Variants in L3MBTL4 observed in about 807,000 individuals in gnomAD.
The protein encoded by L3MBTL4 is lethal(3)malignant brain tumor-like protein 4.
A neutral mutation model predicts 84.5 loss-of-function variants in L3MBTL4; 70 were observed. That is an observed-to-expected ratio of 0.83 (90% CI 0.68 to 1.01). The LOEUF is 1.01. Ranked by LOEUF, L3MBTL4 falls within the 50% of genes least tolerant of loss-of-function variation. The pLI is 0.00. For missense variants in L3MBTL4, 715 were observed against 754.8 expected (o/e 0.95, Z 0.62); for synonymous variants, 274 against 259.8 (o/e 1.05, Z -0.52).
intron 4 of L3MBTL4, among the ~76,000 whole-genome samples, chr18:6,271,281 G>A (rs2048855865): frequency 6.6e-6 from 1 of 152,124 alleles, no homozygotes; most frequent in Admixed American, 6.5e-5. Flanking sequence ...AGGTGATGGC[G>A]CGTTAACTAG....
At chr18:6,092,336 C>T (rs17406759) in intron 15 of L3MBTL4, among the ~76,000 whole-genome samples, 50,892 of 152,072 alleles carry the variant, frequency 0.33, 10,903 homozygotes, top group African/African-American at 0.62. Context: ...AATAAACTGG[C>T]GCCCCCTTGA....
At chr18:6,301,232 C>T (rs758417172) in intron 4 of L3MBTL4, among the ~76,000 whole-genome samples, 4 of 151,926 alleles carry the variant, frequency 2.6e-5, no homozygotes, top group African/African-American at 4.8e-5. Context: ...ATTAGAGGAC[C>T]ATTATCATAT....
intron 16 of L3MBTL4, among the ~76,000 whole-genome samples, chr18:5,977,747 C>T (rs1291845411): frequency 6.6e-6 from 1 of 152,114 alleles, no homozygotes; most frequent in Non-Finnish European, 1.5e-5. Context: ...TCTCTAGACC[C>T]AGAGGTTTGG....
chr18:6,234,277 C>T (rs1360947793), intron 10 of L3MBTL4, among the ~76,000 whole-genome samples: 2 of 152,176 alleles, frequency 1.3e-5, no homozygotes, highest in Non-Finnish European at 2.9e-5. Context: ...ATGTCTAAAA[C>T]ACCAAAAGCA....
At chr18:6,085,426 T>C (rs1195175605) in intron 15 of L3MBTL4, among the ~76,000 whole-genome samples, 1 of 152,204 alleles carries the variant, frequency 6.6e-6, no homozygotes, top group African/African-American at 2.4e-5. Flanking sequence ...AGAGTGAATG[T>C]ACATTGATAT....
intron 16 of L3MBTL4, among the ~76,000 whole-genome samples, chr18:5,980,429 G>C (rs976071420): frequency 2.2e-5 from 2 of 90,348 alleles, no homozygotes; most frequent in African/African-American, 1.1e-4. Flanking sequence ...ATTAGTTTGC[G>C]CTTTTTTTTT....
intron 13 of L3MBTL4, among the ~76,000 whole-genome samples, chr18:6,163,437 T>A (rs531010022): frequency 2.2e-4 from 34 of 152,028 alleles, no homozygotes; most frequent in Admixed American, 9.2e-4. Flanking sequence ...CAGATAAAGA[T>A]AATTAAAACC....
intron 4 of L3MBTL4, among the ~76,000 whole-genome samples, chr18:6,288,177 A>G (rs188914045): frequency 3.0e-4 from 45 of 152,356 alleles, no homozygotes; most frequent in Non-Finnish European, 5.1e-4. Flanking sequence ...ATTCTAAAGT[A>G]AAAGCTATAC....
At position 6,191,853 on chromosome 18, in the gene L3MBTL4, G is replaced by A. The variant is rs777527926; in HGVS notation, c.982-19911C>T. On this transcript the variant is annotated intron_variant, in intron 12 of 18. Transcript: ENST00000317931. ...AAAATTTTTTAAATTAGCTGGGTGT[G>A]GTGGCACGCACCTATAGTCCCAGCT... Among the ~76,000 whole-genome samples, 6 of 152,074 alleles carry A rather than the reference G, an allele frequency of 3.9e-5. No individual in the cohort carries two copies. The East Asian group carries it at 1.2e-3, about 29-fold the overall frequency.
intron 14 of L3MBTL4, among the ~76,000 whole-genome samples, chr18:6,131,972 A>G (rs1409187042): frequency 3.3e-5 from 5 of 152,204 alleles, no homozygotes; most frequent in Non-Finnish European, 7.4e-5. Context: ...AAATTGATTA[A>G]CTGGGTAAAA....
intron 14 of L3MBTL4, among the ~76,000 whole-genome samples, chr18:6,119,260 G>T (rs576360890): frequency 2.6e-4 from 39 of 152,080 alleles, no homozygotes; most frequent in African/African-American, 8.9e-4. Flanking sequence ...TTATCTCTGT[G>T]AACAAAAATT....
chr18:6,268,621 T>C (rs2048736267), intron 4 of L3MBTL4, among the ~76,000 whole-genome samples: 1 of 152,250 alleles, frequency 6.6e-6, no homozygotes, highest in African/African-American at 2.4e-5. Flanking sequence ...ACTCATTTTA[T>C]GGAATATTAG....
upstream of L3MBTL4, chr18:6,414,957 G>T (rs1015357295): frequency 6.7e-6 from 1 of 150,314 alleles, no homozygotes; most frequent in Admixed American, 6.6e-5. This position sits in a 1 kb window ranked among gnomAD's most constrained non-coding sequence, Gnocchi z 5.4. Flanking sequence ...GGGCGCGGGA[G>T]CCGCCCCCTG....
intron 16 of L3MBTL4, among the ~76,000 whole-genome samples, chr18:5,991,246 C>T (rs2053685040): frequency 6.6e-6 from 1 of 152,204 alleles, no homozygotes; most frequent in Non-Finnish European, 1.5e-5. Flanking sequence ...TCTTTTTCAT[C>T]ATGTTTCCTA....
chr18:6,150,475 T>A (rs1467307010), intron 13 of L3MBTL4, among the ~76,000 whole-genome samples: 1 of 152,042 alleles, frequency 6.6e-6, no homozygotes, highest in Non-Finnish European at 1.5e-5. Context: ...TTACACAATG[T>A]ATAATTCTAA....
chr18:6,327,886 T>C (rs1407478969), intron 1 of L3MBTL4, among the ~76,000 whole-genome samples: 1 of 152,240 alleles, frequency 6.6e-6, no homozygotes, highest in African/African-American at 2.4e-5. Context: ...AGGTCTCATT[T>C]GCCCCTGAAT....
chr18:6,182,255 G>C (rs553202567), intron 12 of L3MBTL4, among the ~76,000 whole-genome samples: 127 of 152,266 alleles, frequency 8.3e-4, no homozygotes, highest in African/African-American at 2.9e-3. Flanking sequence ...AATTAGTGAT[G>C]TTGAGCATTT....
intron 15 of L3MBTL4, among the ~76,000 whole-genome samples, chr18:6,086,559 G>A (rs1271528733): frequency 6.6e-6 from 1 of 152,036 alleles, no homozygotes; most frequent in African/African-American, 2.4e-5. Context: ...GCAAGAGCTG[G>A]GCCCTTCCAT....
chr18:6,003,587 G>A (rs1159271648), intron 16 of L3MBTL4, among the ~76,000 whole-genome samples: 3 of 151,960 alleles, frequency 2.0e-5, no homozygotes, highest in African/African-American at 7.2e-5. Context: ...ACTTTAACCA[G>A]CAGGATATAT....
Sources: allele counts gnomAD v4.1 joint callset (sites outside exome capture counted in the v4.1 genomes callset), GRCh38; gene constraint gnomAD v4.1.1; non-coding constraint Gnocchi (gnomAD v3.1); transcripts MANE v1.5; gene names NCBI Gene and HGNC (gene_info 2026-07-23, HGNC 2026-07-21).